The following DGKI variants were observed in gnomAD, a reference collection of about 807,000 sequenced individuals.
DGKI encodes the protein diacylglycerol kinase iota.
Under a neutral mutation model 147.5 loss-of-function variants are expected in DGKI, and 55 were observed. That is an observed-to-expected ratio of 0.37 (90% CI 0.30 to 0.47). DGKI has a LOEUF of 0.47. Among genes scored for constraint, DGKI ranks in the 20% least tolerant of loss-of-function variants. The probability of loss-of-function intolerance (pLI) is 1.00; values close to 1 mark genes in which losing one functional copy is unlikely to be tolerated. For missense variants in DGKI, 1,007 were observed against 1,323.8 expected, an observed-to-expected ratio of 0.76 and a Z score of 3.71; for synonymous variants, 469 against 477.1, an observed-to-expected ratio of 0.98 and a Z score of 0.22.
At chr7:137,395,005 C>G (rs1437638312) in intron 32 of DGKI, among the ~76,000 whole-genome samples, 2 of 152,150 alleles carry the variant, frequency 1.3e-5, no homozygotes, top group African/African-American at 4.8e-5. Context: ...AATTCCCATG[C>G]TATCTAGTAC....
At position 137,572,096 on chromosome 7, in the gene DGKI, C is replaced by A. The variant is rs1277983043; in HGVS notation, c.1835+669G>T. Among the ~76,000 whole-genome samples the A allele has an allele frequency of 2.0e-5, 3 of 152,308 alleles. No homozygotes were observed. In the East Asian group the frequency reaches 5.8e-4, roughly 29 times the overall value. On this transcript the variant is annotated intron_variant, in intron 18 of 32. Transcript: ENST00000614521. ...AACTCTCATTTCAATTAAATTCAGT[C>A]TAAATACAATGTATTTGCAGATTTT...
At chr7:137,609,134 G>T in intron 9 of DGKI, 70 bp from the exon 10 acceptor site, 1 of 1,190,798 alleles carries the variant, frequency 8.4e-7, no homozygotes, top group South Asian at 1.3e-5. Flanking sequence ...GGCAAGGGAG[G>T]TGGAAAACCA....
At chr7:137,456,587 A>G (rs779649024) in intron 27 of DGKI, among the ~76,000 whole-genome samples, 2 of 152,180 alleles carry the variant, frequency 1.3e-5, no homozygotes, top group African/African-American at 4.8e-5. Flanking sequence ...GAGGGATCCA[A>G]TCAATACTGC....
At chr7:137,511,180 T>A (rs1175311938) in intron 21 of DGKI, among the ~76,000 whole-genome samples, 1 of 152,272 alleles carries the variant, frequency 6.6e-6, no homozygotes, top group Non-Finnish European at 1.5e-5. Flanking sequence ...GAATTGCTCT[T>A]ATTAGCAAAG....
chr7:137,392,236 G>GTA (rs201111441), intron 32 of DGKI, among the ~76,000 whole-genome samples: 2 of 151,774 alleles, frequency 1.3e-5, no homozygotes, highest in Admixed American at 6.6e-5. Context: ...ACATATATTT[G>GTA]TATATATATA....
intron 28 of DGKI, among the ~76,000 whole-genome samples, chr7:137,418,098 T>A (rs1481412382): frequency 1.3e-5 from 2 of 152,144 alleles, no homozygotes; most frequent in Admixed American, 1.3e-4. Flanking sequence ...GGAGTTACAT[T>A]TTGGCAAGAA....
At position 137,846,346 on chromosome 7, in the gene DGKI, A is replaced by G; in HGVS notation, c.401+116T>C. 1 of 566,820 alleles carries G rather than the reference A, an allele frequency of 1.8e-6. No homozygotes were observed. The highest frequency in any genetic ancestry group is 3.0e-6 in the Non-Finnish European group (1 of 338,100). The allele number at this position is 566,820 out of a possible 1,614,324, so 35.1% of individuals were successfully genotyped here. On this transcript the variant is annotated intron_variant, in intron 1 of 32. Coordinates refer to ENST00000614521, the MANE Select transcript of DGKI (RefSeq NM_001321708.2). The surrounding 1 kb of genome is among the most constrained non-coding windows in gnomAD (Gnocchi z 4.0). ...CCGGGAGGAGAGGGGGAAAGGGGGA[A>G]GGAGAGGCGTGGAAACAGAGAGGTG...
intron 28 of DGKI, among the ~76,000 whole-genome samples, chr7:137,421,059 A>G (rs1812548989): frequency 6.6e-6 from 1 of 152,074 alleles, no homozygotes; most frequent in African/African-American, 2.4e-5. Flanking sequence ...ATCAGATGTA[A>G]GAGAAGAGAC....
intron 6 of DGKI, among the ~76,000 whole-genome samples, chr7:137,628,648 G>A (rs965676836): frequency 1.3e-5 from 2 of 152,158 alleles, no homozygotes; most frequent in African/African-American, 4.8e-5. Context: ...CCGTCAAAGA[G>A]GAAAATAGGG....
At chr7:137,497,645 C>T (rs888625590) in intron 21 of DGKI, among the ~76,000 whole-genome samples, 3 of 152,026 alleles carry the variant, frequency 2.0e-5, no homozygotes, top group Non-Finnish European at 2.9e-5. Flanking sequence ...TTTGCAGCAA[C>T]ATGGATGGAG....
intron 1 of DGKI, among the ~76,000 whole-genome samples, chr7:137,835,936 A>G (rs1479420837): frequency 6.6e-6 from 1 of 152,218 alleles, no homozygotes; most frequent in East Asian, 1.9e-4. Context: ...TCGCTTAGCT[A>G]CTGTGACTGT....
At chr7:137,536,460 G>A (rs753073445) in intron 20 of DGKI, among the ~76,000 whole-genome samples, 1 of 152,030 alleles carries the variant, frequency 6.6e-6, no homozygotes. Flanking sequence ...AACAGGGCCC[G>A]GCCCCCCTGC....
At chr7:137,719,824 C>T (rs1478853953) in intron 1 of DGKI, among the ~76,000 whole-genome samples, 1 of 151,968 alleles carries the variant, frequency 6.6e-6, no homozygotes, top group African/African-American at 2.4e-5. Flanking sequence ...TTTACCACTG[C>T]AACTATAAAC....
In DGKI at chr7:137,731,240, A is replaced by G. The variant is rs114930891; in HGVS notation, c.402-41238T>C. On this transcript the variant is annotated intron_variant, in intron 1 of 32. Coordinates refer to ENST00000614521, the MANE Select transcript of DGKI (RefSeq NM_001321708.2). ...ATTTACCCTCTTCCAAACCGTCTTC[A>G]TTCACTCTGCTTCTTCTGTGTTTTC... Among the ~76,000 whole-genome samples the G allele has an allele frequency of 1.8e-3, 280 of 152,176 alleles. 1 individual carries two copies. Among genetic ancestry groups the G allele is most frequent in the African/African-American group, 6.5e-3 (269 of 41,544 alleles).
chr7:137,840,801 T>A (rs1798522926), intron 1 of DGKI, among the ~76,000 whole-genome samples: 1 of 152,208 alleles, frequency 6.6e-6, no homozygotes, highest in Non-Finnish European at 1.5e-5. Context: ...GCCAATGAAA[T>A]GTATTTATTC....
At chr7:137,767,711 G>A (rs1180670495) in intron 1 of DGKI, among the ~76,000 whole-genome samples, 1 of 152,162 alleles carries the variant, frequency 6.6e-6, no homozygotes, top group Non-Finnish European at 1.5e-5. Flanking sequence ...CGTTTACTTT[G>A]GTTTGAAGTC....
chr7:137,684,927 G>A (rs913233085), intron 2 of DGKI, among the ~76,000 whole-genome samples: 5 of 152,108 alleles, frequency 3.3e-5, no homozygotes, highest in African/African-American at 9.7e-5. Context: ...GCACACGGAC[G>A]AGCACGCACG....
At chr7:137,421,953 T>C (rs1221533689) in intron 28 of DGKI, among the ~76,000 whole-genome samples, 1 of 152,158 alleles carries the variant, frequency 6.6e-6, no homozygotes, top group African/African-American at 2.4e-5. Context: ...TTGCAATCAA[T>C]TTTGGAGACA....
intron 15 of DGKI, among the ~76,000 whole-genome samples, chr7:137,578,875 G>T (rs1819078464): frequency 6.6e-6 from 1 of 152,078 alleles, no homozygotes; most frequent in Non-Finnish European, 1.5e-5. Context: ...TTTGTGTTTG[G>T]AATAAAGTAG....
Sources: allele counts gnomAD v4.1 joint callset (sites outside exome capture counted in the v4.1 genomes callset), GRCh38; gene constraint gnomAD v4.1.1; non-coding constraint Gnocchi (gnomAD v3.1); transcripts MANE v1.5; gene names NCBI Gene and HGNC (gene_info 2026-07-23, HGNC 2026-07-21).